Variants in RABGAP1L observed in about 807,000 individuals in gnomAD.
RABGAP1L encodes rab GTPase-activating protein 1-like.
A neutral mutation model predicts 137.7 loss-of-function variants in RABGAP1L; 63 were observed. That is an observed-to-expected ratio of 0.46 (90% CI 0.37 to 0.56). The LOEUF (loss-of-function observed/expected upper bound fraction) is 0.56, where lower values mean the gene tolerates loss of function less well. Ranked by LOEUF, RABGAP1L falls within the 20% of genes least tolerant of loss-of-function variation. The probability of loss-of-function intolerance (pLI) is 0.00; values close to 1 mark genes in which losing one functional copy is unlikely to be tolerated. For missense variants in RABGAP1L, 1,095 were observed against 1,244.0 expected, an observed-to-expected ratio of 0.88 and a Z score of 1.80; for synonymous variants, 431 against 433.7, an observed-to-expected ratio of 0.99 and a Z score of 0.08.
intron 13 of RABGAP1L, among the ~76,000 whole-genome samples, chr1:174,578,605 G>C: frequency 6.6e-6 from 1 of 152,118 alleles, no homozygotes; most frequent in East Asian, 1.9e-4. Flanking sequence ...ATTACAAGTA[G>C]AGGCAACACA....
At chr1:174,312,897 A>G (rs1678990214) in intron 11 of RABGAP1L, among the ~76,000 whole-genome samples, 1 of 152,170 alleles carries the variant, frequency 6.6e-6, no homozygotes, top group Non-Finnish European at 1.5e-5. Flanking sequence ...GTCAAAAAAT[A>G]TTTCACTGTA....
intron 3 of RABGAP1L, 80 bp downstream of exon 3, chr1:174,221,244 A>G: frequency 8.6e-7 from 1 of 1,160,760 alleles, no homozygotes; most frequent in Non-Finnish European, 1.2e-6. Context: ...AATCAGAAAA[A>G]ATTGTTAGCT....
In RABGAP1L at chr1:174,221,037, A is replaced by C. The variant is rs1209972098; in HGVS notation, c.204A>C (p.Lys68Asn). ...AMEEILRDSEKRPSSLLVDCQ... is the reference protein window; with the variant it reads ...AMEEILRDSENRPSSLLVDCQ... ...AAGAGATTTTGAGAGATTCCGAGAA[A>C]AGGCCAAGCAGTCTTCTTGTTGATT... Residue 68 changes from lysine to asparagine, a missense_variant, in exon 3 of 26, where the codon AAA becomes AAC. By Grantham distance (94) the Lys-to-Asn change is moderately conservative (BLOSUM62 0). Around this residue, in one of 4 missense-constraint regions of RABGAP1L, gnomAD observed 356 missense variants for 326.3 expected, o/e 1.09. Coordinates refer to ENST00000681986, the MANE Select transcript of RABGAP1L (RefSeq NM_001366446.1). 3 of 1,613,926 alleles carry C rather than the reference A, an allele frequency of 1.9e-6. No individual in the cohort carries two copies. The highest frequency in any genetic ancestry group is 1.7e-5 in the Admixed American group (1 of 59,990).
intron 15 of RABGAP1L, among the ~76,000 whole-genome samples, chr1:174,685,897 A>G (rs17353274): frequency 0.11 from 16,085 of 152,142 alleles, 1,220 homozygotes; most frequent in Non-Finnish European, 0.16. Context: ...TGAGTTCAGG[A>G]TATTCTTGGG....
At chr1:174,587,860 A>G (rs1316771092) in intron 13 of RABGAP1L, among the ~76,000 whole-genome samples, 1 of 146,258 alleles carries the variant, frequency 6.8e-6, no homozygotes, top group Non-Finnish European at 1.6e-5. Flanking sequence ...CTTTAGATTT[A>G]TTTATTTATT....
chr1:174,377,898 T>G (rs1249516785), intron 12 of RABGAP1L, among the ~76,000 whole-genome samples: 3 of 123,672 alleles, frequency 2.4e-5, no homozygotes, highest in South Asian at 2.6e-4. Flanking sequence ...ACTCATCATC[T>G]AGCATTAGGT....
At chr1:174,348,317 A>G (rs140881715) in intron 11 of RABGAP1L, among the ~76,000 whole-genome samples, 8,485 of 147,598 alleles carry the variant, frequency 0.057, 814 homozygotes, top group African/African-American at 0.2. Flanking sequence ...TACTTTCAAT[A>G]GCAAAAACTG....
In RABGAP1L at chr1:174,798,240, CAA is replaced by C. The variant is rs1161748259; in HGVS notation, c.2212-13575_2212-13574del. Among the ~76,000 whole-genome samples, 37 of 82,934 alleles carry C rather than the reference CAA, an allele frequency of 4.5e-4. 1 individual carries two copies. The highest frequency in any genetic ancestry group is 8.2e-4 in the South Asian group (2 of 2,444). The allele number at this position is 82,934 out of a possible 152,430, so 54.4% of individuals were successfully genotyped here. A position where few individuals can be genotyped will look rare whatever the true frequency, so the allele number is the denominator to read the frequency against. Reference sequence around the variant, plus strand: ...TGAAACCCCATCTCTACTAAAAATACAAAAAAAAAAAAAAAAAATAGCTGGGT... The same window carrying C: ...TGAAACCCCATCTCTACTAAAAATACAAAAAAAAAAAAAAAATAGCTGGGT... On this transcript the variant is annotated intron_variant, in intron 18 of 25. Transcript: ENST00000681986.
Position 174,278,790 on chromosome 1 carries a change from T to C in RABGAP1L, c.1323+11T>C, listed in dbSNP as rs57387965. 1,409 of 1,505,700 alleles carry C rather than the reference T, an allele frequency of 9.4e-4. 17 individuals carry two copies. The African/African-American group carries it at 0.018, about 19-fold the overall frequency. 93.3% of individuals were successfully genotyped at this position (1,505,700 alleles called of 1,614,324 possible). A position where few individuals can be genotyped will look rare whatever the true frequency, so the allele number is the denominator to read the frequency against. On this transcript the variant is annotated intron_variant, in intron 10 of 25. Coordinates refer to ENST00000681986, the MANE Select transcript of RABGAP1L (RefSeq NM_001366446.1). ...ATGAGATTGAAACAGGTAGGACCTTTTTGTTCTCTTCATATATAGTAACAA... is the reference window on the plus strand; with the variant it reads ...ATGAGATTGAAACAGGTAGGACCTTCTTGTTCTCTTCATATATAGTAACAA...
intron 19 of RABGAP1L, among the ~76,000 whole-genome samples, chr1:174,871,243 C>T (rs1330421125): frequency 6.6e-6 from 1 of 152,046 alleles, no homozygotes; most frequent in Non-Finnish European, 1.5e-5. Flanking sequence ...AGCTGATTCT[C>T]CTGCCTCAGG....
chr1:174,316,648 C>T (rs947395792), intron 11 of RABGAP1L, among the ~76,000 whole-genome samples: 2 of 152,218 alleles, frequency 1.3e-5, no homozygotes, highest in African/African-American at 4.8e-5. Flanking sequence ...TCTGTCACCA[C>T]TCCCTGGCTA....
intron 19 of RABGAP1L, among the ~76,000 whole-genome samples, chr1:174,818,046 C>T (rs1261693111): frequency 6.6e-6 from 1 of 152,214 alleles, no homozygotes; most frequent in East Asian, 1.9e-4. Flanking sequence ...TACATATCCA[C>T]AACTCATATC....
chr1:174,269,283 G>A lies in RABGAP1L; in HGVS notation c.987-3131G>A, dbSNP rs146924520. 2.0e-5 allele frequency among the ~76,000 whole-genome samples: 3 copies of A among 152,242 alleles called. No individual in the cohort carries two copies. The East Asian group carries it at 5.8e-4, about 29-fold the overall frequency. The stretch of plus-strand genomic sequence containing the variant: ...TTTTTCATGTCGAGTTTACGTTGAC[G>A]TAATGAACATGAAAGCAAGTATTTG... On this transcript the variant is annotated intron_variant, in intron 7 of 25. Coordinates refer to ENST00000681986, the MANE Select transcript of RABGAP1L (RefSeq NM_001366446.1).
intron 11 of RABGAP1L, among the ~76,000 whole-genome samples, chr1:174,312,990 G>A (rs1477989101): frequency 5.9e-5 from 9 of 152,080 alleles, no homozygotes; most frequent in African/African-American, 1.9e-4. Context: ...TGCTGTTTTG[G>A]TTACTATAGC....
chr1:174,923,889 A>AG (rs1310198006), intron 19 of RABGAP1L, among the ~76,000 whole-genome samples: 3 of 151,928 alleles, frequency 2.0e-5, no homozygotes, highest in Non-Finnish European at 4.4e-5. Flanking sequence ...AAAAAAAAAA[A>AG]AAAAAAGAAA....
At chr1:174,757,875 AC>A in intron 18 of RABGAP1L, among the ~76,000 whole-genome samples, 1 of 151,882 alleles carries the variant, frequency 6.6e-6, no homozygotes, top group Non-Finnish European at 1.5e-5. Flanking sequence ...AATACAAAAA[AC>A]GCCAGGCGTG....
At position 174,178,270 on chromosome 1, in the gene RABGAP1L, C is replaced by G. The variant is rs117367711; in HGVS notation, c.-34+18613C>G. On this transcript the variant is annotated intron_variant, in intron 1 of 25. Coordinates refer to ENST00000681986, the MANE Select transcript of RABGAP1L (RefSeq NM_001366446.1). ...GTGAATGGCCTGATTTGGCTCTCTG[C>G]TTGTCTGTTGGTGTATAGGAATGCT... is the stretch of plus-strand genomic sequence containing the variant. Among the ~76,000 whole-genome samples the G allele has an allele frequency of 8.5e-5, 13 of 152,092 alleles. No homozygotes were observed. The East Asian group carries it at 1.7e-3, about 20-fold the overall frequency.
intron 13 of RABGAP1L, among the ~76,000 whole-genome samples, chr1:174,587,244 G>T (rs374316292): frequency 7.1e-6 from 1 of 139,956 alleles, no homozygotes; most frequent in Non-Finnish European, 1.5e-5. Context: ...CATGATTTAT[G>T]GTCCTTTGGG....
intron 14 of RABGAP1L, among the ~76,000 whole-genome samples, chr1:174,644,138 A>G (rs140775414): frequency 3.9e-5 from 6 of 152,208 alleles, no homozygotes; most frequent in African/African-American, 1.4e-4. Context: ...CTGAGAAGAT[A>G]TAATGTGATT....
Sources: gnomAD v4.1 joint callset for allele counts (sites outside exome capture counted in the v4.1 genomes callset) on GRCh38, gnomAD v4.1.1 for gene constraint, gnomAD v4.1.1 regional missense constraint, MANE v1.5 for transcripts, NCBI Gene and HGNC (gene_info 2026-07-23, HGNC 2026-07-21) for gene names.